Variants in PCGF5 observed in about 807,000 individuals in gnomAD.
The protein encoded by PCGF5 is polycomb group RING finger protein 5.
PCGF5 carries 9 observed loss-of-function variants against 44.3 expected under a neutral mutation model. The observed-to-expected ratio is 0.20, with a 90% CI of 0.12 to 0.35. PCGF5 has a LOEUF of 0.35. PCGF5 is among the 10% of genes least tolerant of loss of function. The pLI is 1.00. For synonymous variants in PCGF5, 95 were observed against 102.5 expected, an observed-to-expected ratio of 0.93 and a Z score of 0.44; for missense variants, 146 against 305.3, an observed-to-expected ratio of 0.48 and a Z score of 3.89.
rs1004962193 is a variant in PCGF5, at chr10:91,283,783, C to T, written c.*5467C>T. On this transcript the variant is annotated 3_prime_UTR_variant, in exon 10 of 10. Transcript: ENST00000336126. ...TCAGTTTTAAATAGAGTAGCCCTCACAATCAAAATATCATAGAATATATTG... is the reference window on the plus strand; with the variant it reads ...TCAGTTTTAAATAGAGTAGCCCTCATAATCAAAATATCATAGAATATATTG... 3 of 152,396 alleles carry T rather than the reference C, an allele frequency of 2.0e-5. No homozygotes were observed. Among genetic ancestry groups the T allele is most frequent in the Admixed American group, 2.0e-4 (3 of 15,276 alleles). 9.4% of individuals were successfully genotyped at this position (152,396 alleles called of 1,614,324 possible).
intron 1 of PCGF5, among the ~76,000 whole-genome samples, chr10:91,209,803 G>GAAA (rs1844415518): frequency 4.8e-3 from 3 of 628 alleles, no homozygotes; most frequent in Non-Finnish European, 5.9e-3. Context: ...AAAGAAAAAC[G>GAAA]AAGAAAGGAA....
Position 91,279,857 on chromosome 10 carries a change from C to A in PCGF5, c.*1541C>A, listed in dbSNP as rs1237938212. 2.0e-5 allele frequency: 3 copies of A among 151,970 alleles called. No individual in the cohort carries two copies. Among genetic ancestry groups the A allele is most frequent in the Non-Finnish European group, 4.4e-5 (3 of 67,912 alleles). The allele number at this position is 151,970 out of a possible 1,614,324, so 9.4% of individuals were successfully genotyped here. A position where few individuals can be genotyped will look rare whatever the true frequency, so the allele number is the denominator to read the frequency against. On this transcript the variant is annotated 3_prime_UTR_variant, in exon 10 of 10. Transcript: ENST00000336126. Reference sequence around the variant, plus strand: ...ATGCCTTCTGAATTTCAAAATGATTCTTAGAAATAAGATATTGTACAACTC... The same window carrying A: ...ATGCCTTCTGAATTTCAAAATGATTATTAGAAATAAGATATTGTACAACTC...
chr10:91,173,594 T>TTTTTTTTTC (rs1400340382), intron 1 of PCGF5, among the ~76,000 whole-genome samples: 1 of 150,378 alleles, frequency 6.6e-6, no homozygotes, highest in Non-Finnish European at 1.5e-5. Flanking sequence ...TTTTTTTTTT[T>TTTTTTTTTC]TCCCACAGAA....
intron 1 of PCGF5, among the ~76,000 whole-genome samples, chr10:91,171,249 C>A (rs1012024442): frequency 5.4e-4 from 82 of 152,142 alleles, no homozygotes; most frequent in African/African-American, 1.9e-3. Flanking sequence ...TAGATGAAAA[C>A]AAAAGGAAAT....
intron 1 of PCGF5, among the ~76,000 whole-genome samples, chr10:91,221,135 G>T (rs1325265164): frequency 2.6e-5 from 4 of 152,092 alleles, no homozygotes; most frequent in Non-Finnish European, 5.9e-5. Context: ...GCGCGGCTGT[G>T]CTGGGACCCC....
chr10:91,199,588 C>T (rs990734122), intron 1 of PCGF5, among the ~76,000 whole-genome samples: 4 of 152,202 alleles, frequency 2.6e-5, no homozygotes, highest in Non-Finnish European at 4.4e-5. Context: ...CCAGCATCTT[C>T]CACATTAATG....
chr10:91,219,650 A>G (rs770620741), upstream of PCGF5, among the ~76,000 whole-genome samples: 1 of 152,234 alleles, frequency 6.6e-6, no homozygotes, highest in Non-Finnish European at 1.5e-5. Flanking sequence ...TCTTTAAAGG[A>G]CTATACGAAT....
At chr10:91,252,013 A>C (rs2648718) in intron 6 of PCGF5, among the ~76,000 whole-genome samples, 34,424 of 151,930 alleles carry the variant, frequency 0.23, 4,238 homozygotes, top group Non-Finnish European at 0.27. Flanking sequence ...CTGCTAATTG[A>C]ATCTTTCCTT....
upstream of PCGF5, among the ~76,000 whole-genome samples, chr10:91,158,807 G>A (rs1843348011): frequency 6.6e-6 from 1 of 152,216 alleles, no homozygotes; most frequent in Admixed American, 6.5e-5. Flanking sequence ...CCTGTAGGCT[G>A]AAGAATAACA....
At chr10:91,194,578 T>C (rs970334524) in intron 1 of PCGF5, among the ~76,000 whole-genome samples, 1 of 152,242 alleles carries the variant, frequency 6.6e-6, no homozygotes, top group Non-Finnish European at 1.5e-5. Context: ...TTTGTGTTGT[T>C]TTCAGCCACT....
chr10:91,253,917 G>T (rs912367768), intron 6 of PCGF5, among the ~76,000 whole-genome samples: 5 of 151,988 alleles, frequency 3.3e-5, no homozygotes, highest in Non-Finnish European at 7.4e-5. Flanking sequence ...AATAGTAAAT[G>T]AATGGGCTTG....
At chr10:91,256,999 G>GT (rs1845768614) in intron 6 of PCGF5, among the ~76,000 whole-genome samples, 1 of 152,050 alleles carries the variant, frequency 6.6e-6, no homozygotes, top group Admixed American at 6.6e-5. Flanking sequence ...AAACTCTTGT[G>GT]TATCAAAGGA....
intron 1 of PCGF5, among the ~76,000 whole-genome samples, chr10:91,169,383 A>T (rs1166304361): frequency 6.6e-6 from 1 of 152,216 alleles, no homozygotes; most frequent in African/African-American, 2.4e-5. Flanking sequence ...AAACTGAAAG[A>T]CTCAACAACA....
intron 1 of PCGF5, among the ~76,000 whole-genome samples, chr10:91,199,635 A>G (rs11186495): frequency 1.7e-3 from 256 of 152,372 alleles, no homozygotes; most frequent in African/African-American, 5.8e-3. Flanking sequence ...AATATGATGC[A>G]GTATTTTAGT....
chr10:91,258,190 T>A (rs1218806482), intron 6 of PCGF5, among the ~76,000 whole-genome samples: 1 of 152,116 alleles, frequency 6.6e-6, no homozygotes, highest in Non-Finnish European at 1.5e-5. Flanking sequence ...TTGAGGATGA[T>A]GAAAATGTTT....
chr10:91,192,263 A>G (rs1017980290), intron 1 of PCGF5, among the ~76,000 whole-genome samples: 8 of 152,322 alleles, frequency 5.3e-5, no homozygotes, highest in African/African-American at 1.7e-4. Context: ...ATTTTTCTAT[A>G]CATTTGAGAC....
chr10:91,277,288 A>T (rs1846340710), intron 9 of PCGF5, among the ~76,000 whole-genome samples: 1 of 152,236 alleles, frequency 6.6e-6, no homozygotes, highest in South Asian at 2.1e-4. Context: ...ATATGAAAGA[A>T]TACAAAGTTC....
intron 3 of PCGF5, among the ~76,000 whole-genome samples, chr10:91,243,525 T>A (rs1440140655): frequency 6.6e-6 from 1 of 152,102 alleles, no homozygotes; most frequent in Non-Finnish European, 1.5e-5. Flanking sequence ...AATAAATGAC[T>A]CTAGCATAGC....
chr10:91,212,094 C>T lies in PCGF5; in HGVS notation c.-183-10595C>T, dbSNP rs73310451. ...GGATTGCTATAAATAATAAATGAAA[C>T]AATAATGATATAAAATGCTTAGCAA... On this transcript the variant is annotated intron_variant, in intron 1 of 9. Transcript: ENST00000614189. Among the ~76,000 whole-genome samples the T allele has an allele frequency of 6.3e-3, 963 of 152,220 alleles. 14 individuals carry two copies. Among genetic ancestry groups the T allele is most frequent in the African/African-American group, 0.021 (891 of 41,542 alleles).
Sources: allele counts gnomAD v4.1 joint callset (sites outside exome capture counted in the v4.1 genomes callset), GRCh38; gene constraint gnomAD v4.1.1; transcripts MANE v1.5; gene names NCBI Gene and HGNC (gene_info 2026-07-23, HGNC 2026-07-21).